Variants in HMCN2 observed in about 807,000 individuals in gnomAD.
HMCN2 encodes hemicentin 2, also known as hemicentin-2.
HMCN2 carries 325 observed loss-of-function variants against 377.5 expected under a neutral mutation model. The ratio of observed to expected loss-of-function variants is 0.86; its 90% CI spans 0.79 to 0.94. The LOEUF is 0.94. Among genes scored for constraint, HMCN2 ranks in the 40% least tolerant of loss-of-function variants. The pLI is 0.00. For missense variants in HMCN2, 4,543 were observed against 4,725.3 expected (o/e 0.96, Z 1.13); for synonymous variants, 2,007 against 2,046.8 (o/e 0.98, Z 0.53).
In HMCN2 at chr9:130,428,382, C is replaced by T; in HGVS notation, c.14090C>T (p.Ala4697Val). Residue 4697 changes from alanine (A) to valine (V), a missense_variant, in exon 93 of 98, where the codon GCT (alanine) becomes GTT (valine). This residue lies in a region of HMCN2 where 1,155 missense variants were observed against 1,157.7 expected (regional missense o/e 1.00). Coordinates refer to ENST00000683500, the MANE Select transcript of HMCN2 (RefSeq NM_001291815.2). The surrounding 1 kb of genome is among the most constrained non-coding windows in gnomAD (Gnocchi z 5.0). ...GATGTGGACGAGTGTGCGTGGGATGCTCACCTCTGCCGAGAGGGACAGCGC... is the reference window on the plus strand; with the variant it reads ...GATGTGGACGAGTGTGCGTGGGATGTTCACCTCTGCCGAGAGGGACAGCGC... The part of the protein sequence containing the change: ...CRDVDECAWD[A>V]HLCREGQRCV... The T allele has an allele frequency of 2.6e-6, 4 of 1,547,914 alleles. No homozygotes were observed. Among genetic ancestry groups the T allele is most frequent in the Non-Finnish European group, 3.5e-6 (4 of 1,146,760 alleles).
At chr9:130,301,647 C>G (rs577773450) in intron 8 of HMCN2, among the ~76,000 whole-genome samples, 2 of 152,366 alleles carry the variant, frequency 1.3e-5, no homozygotes, top group East Asian at 1.9e-4. Context: ...CCCTCCCCCC[C>G]CGGGACAGAT....
chr9:130,432,923 G>A, intron 97 of HMCN2: 1 of 368,326 alleles, frequency 2.7e-6, no homozygotes, highest in South Asian at 4.4e-5. Flanking sequence ...CCCGGCGGGT[G>A]ACCTGCCCCA....
intron 85 of HMCN2, among the ~76,000 whole-genome samples, chr9:130,411,124 T>C (rs191088378): frequency 1.4e-4 from 21 of 151,766 alleles, no homozygotes; most frequent in Admixed American, 7.9e-4. Flanking sequence ...ATCAAAGAAA[T>C]AGGACAGTGC....
intron 82 of HMCN2, chr9:130,406,498 C>T (rs768312185): frequency 1.0e-4 from 28 of 273,722 alleles, no homozygotes; most frequent in Non-Finnish European, 1.6e-4. Context: ...GCTGGGGGCC[C>T]GTGGGGACTC....
intron 81 of HMCN2, 103 bp downstream of exon 81, chr9:130,405,162 G>A: frequency 1.3e-6 from 1 of 786,210 alleles, no homozygotes. Context: ...TGGGAGCCTG[G>A]GGAAATCAGT....
intron 7 of HMCN2, among the ~76,000 whole-genome samples, chr9:130,297,027 T>C (rs1351413862): frequency 6.6e-6 from 1 of 152,204 alleles, no homozygotes; most frequent in Non-Finnish European, 1.5e-5. Flanking sequence ...GACATTTACC[T>C]TTAGAACATC....
chr9:130,375,442 A>T, intron 49 of HMCN2, 121 bp from the exon 50 acceptor site: 1 of 483,320 alleles, frequency 2.1e-6, no homozygotes, highest in Non-Finnish European at 2.7e-6. Flanking sequence ...TCAGTTTCCC[A>T]TCTCTGTAAT....
intron 1 of HMCN2, among the ~76,000 whole-genome samples, chr9:130,279,300 G>A (rs1588162778): frequency 6.6e-6 from 1 of 152,266 alleles, no homozygotes; most frequent in East Asian, 1.9e-4. Context: ...TGGGGCCTCA[G>A]TTTCCACATC....
rs950850275 is a variant in HMCN2, at chr9:130,348,626, C to T, written c.4106C>T (p.Ala1369Val). 24 of 1,303,950 alleles carry T rather than the reference C, an allele frequency of 1.8e-5. No individual in the cohort carries two copies. The highest frequency in any genetic ancestry group is 1.8e-4 in the Admixed American group (8 of 43,536). The allele number at this position is 1,303,950 out of a possible 1,614,324, so 80.8% of individuals were successfully genotyped here. The change falls in exon 27 of 98, where the codon GCG becomes GTG. Residue 1369 changes from alanine (A) to valine (V), a missense_variant. Coordinates refer to ENST00000683500, the MANE Select transcript of HMCN2 (RefSeq NM_001291815.2). ...CAGTCCCTGACGCTGGAGTGTGACG[C>T]GAACGGCTTTCCAGTCCCTGAGATC... Reference protein sequence around the residue: ...AGQSLTLECDANGFPVPEIVW... With the variant: ...AGQSLTLECDVNGFPVPEIVW...
chr9:130,275,050 G>A (rs976200487), intron 1 of HMCN2, among the ~76,000 whole-genome samples: 9 of 152,182 alleles, frequency 5.9e-5, no homozygotes, highest in African/African-American at 1.9e-4. Flanking sequence ...AACACACTGC[G>A]CCATCTTGCG....
In HMCN2 at chr9:130,433,618, C is replaced by G. The variant is rs1039317191; in HGVS notation, c.15165C>G (p.Leu5055=). ...RALTRAGLYR[L]TVRAAAPRHQ... Reference sequence around the variant, plus strand: ...TCACCCGCGCCGGCCTCTACCGGCTCACCGTGCGTGCTGCGGCACCGCGCC... The same window carrying G: ...TCACCCGCGCCGGCCTCTACCGGCTGACCGTGCGTGCTGCGGCACCGCGCC... Residue 5055 remains leucine, a synonymous_variant, in exon 98 of 98, where the codon CTC becomes CTG. Coordinates refer to ENST00000683500, the MANE Select transcript of HMCN2 (RefSeq NM_001291815.2). 1.3e-6 allele frequency: 2 copies of G among 1,520,616 alleles called. No individual in the cohort carries two copies. Among genetic ancestry groups the G allele is most frequent in the Non-Finnish European group, 1.8e-6 (2 of 1,134,984 alleles). The allele number at this position is 1,520,616 out of a possible 1,614,324, so 94.2% of individuals were successfully genotyped here.
intron 15 of HMCN2, among the ~76,000 whole-genome samples, chr9:130,312,561 T>TTTCTTTCTTTCTTTCTTTCTTTCC (rs1837316960): frequency 2.7e-5 from 1 of 37,208 alleles, no homozygotes; most frequent in African/African-American, 9.1e-5. Flanking sequence ...TCTTTCTTTC[T>TTTCTTTCTTTCTTTCTTTCTTTCC]TTCTTTCTTT....
In HMCN2 at chr9:130,399,618, A is replaced by G. The variant is rs1425710758; in HGVS notation, c.11591A>G (p.Gln3864Arg). 7.8e-7 allele frequency: 1 copy of G among 1,289,506 alleles called. No homozygotes were observed. The highest frequency in any genetic ancestry group is 1.0e-6 in the Non-Finnish European group (1 of 988,500). The allele number at this position is 1,289,506 out of a possible 1,614,324, so 79.9% of individuals were successfully genotyped here. A position where few individuals can be genotyped will look rare whatever the true frequency, so the allele number is the denominator to read the frequency against. Residue 3864 changes from glutamine to arginine, a missense_variant, in exon 76 of 98, where the codon CAG becomes CGG. Gln to Arg is a conservative substitution (Grantham distance 43). Around this residue, in one of 5 missense-constraint regions of HMCN2, gnomAD observed 1,073 missense variants for 1,319.5 expected, o/e 0.81. Transcript: ENST00000683500. ...GTGGGCGAGGCCCACAGGCTCTACC[A>G]GGTGACCGTCCATGGTGAGTCGGGG... ...NEVGEAHRLY[Q>R]VTVHVPPTIA...
At position 130,423,085 on chromosome 9, in the gene HMCN2, A is replaced by G. The variant is rs1844114014; in HGVS notation, c.13381+359A>G. ...CCCATTTAAGTTAAAGCTCAGGCTG[A>G]TGGAAGTGGAGGGATCTCCAGTCAT... On this transcript the variant is annotated intron_variant, in intron 87 of 97. Coordinates refer to ENST00000683500, the MANE Select transcript of HMCN2 (RefSeq NM_001291815.2). This position sits in a 1 kb window ranked among gnomAD's most constrained non-coding sequence, Gnocchi z 5.5. Among the ~76,000 whole-genome samples the G allele has an allele frequency of 6.6e-6, 1 of 152,308 alleles. No homozygotes were observed. The highest frequency in any genetic ancestry group is 2.4e-5 in the African/African-American group (1 of 41,578).
intron 4 of HMCN2, among the ~76,000 whole-genome samples, chr9:130,289,114 C>G (rs1835588870): frequency 1.3e-5 from 2 of 152,206 alleles, no homozygotes; most frequent in South Asian, 4.1e-4. Context: ...GCAGCTCCCC[C>G]GTGCCTGGGA....
intron 21 of HMCN2, among the ~76,000 whole-genome samples, 154 bp from the exon 22 acceptor site, chr9:130,327,156 C>A (rs1209453420): frequency 2.6e-5 from 4 of 152,212 alleles, no homozygotes; most frequent in Non-Finnish European, 5.9e-5. Flanking sequence ...TGGACTCCCC[C>A]CCTTCTGACA....
At chr9:130,281,575 G>T (rs983094305) in intron 1 of HMCN2, among the ~76,000 whole-genome samples, 1 of 146,396 alleles carries the variant, frequency 6.8e-6, no homozygotes, top group African/African-American at 2.6e-5. Flanking sequence ...TCCAGCCTGG[G>T]TGATGGAGTG....
chr9:130,396,329 G>A lies in HMCN2; in HGVS notation c.11198+16G>A, dbSNP rs910621254. 2 of 1,260,322 alleles carry A rather than the reference G, an allele frequency of 1.6e-6. No homozygotes were observed. Among genetic ancestry groups the A allele is most frequent in the African/African-American group, 3.1e-5 (2 of 65,194 alleles). The allele number at this position is 1,260,322 out of a possible 1,614,324, so 78.1% of individuals were successfully genotyped here. A position where few individuals can be genotyped will look rare whatever the true frequency, so the allele number is the denominator to read the frequency against. On this transcript the variant is annotated intron_variant, in intron 73 of 97. Coordinates refer to ENST00000683500, the MANE Select transcript of HMCN2 (RefSeq NM_001291815.2). ...GGAGCCCCAGGTGGGAGAGGGAAGG[G>A]GTGGGCCTCAGGGAGGCTCTCAGGT... is the stretch of plus-strand genomic sequence containing the variant.
At chr9:130,430,760 G>C in intron 95 of HMCN2, 156 bp downstream of exon 95, 1 of 678,650 alleles carries the variant, frequency 1.5e-6, no homozygotes, top group East Asian at 2.7e-5. Context: ...TCCAATGCAG[G>C]GTGTCTCAGA....
Sources: allele counts gnomAD v4.1 joint callset (sites outside exome capture counted in the v4.1 genomes callset), GRCh38; gene constraint gnomAD v4.1.1; regional missense constraint gnomAD v4.1.1; non-coding constraint Gnocchi (gnomAD v3.1); transcripts MANE v1.5; gene names NCBI Gene and HGNC (gene_info 2026-07-23, HGNC 2026-07-21).